BMPER: variants seen among roughly 807,000 people sequenced by gnomAD.
The protein encoded by BMPER is BMP-binding endothelial regulator protein.
Under a neutral mutation model 87.3 loss-of-function variants are expected in BMPER, and 45 were observed. The observed-to-expected ratio is 0.52, with a 90% CI of 0.41 to 0.66. BMPER has a LOEUF of 0.66. BMPER is among the 30% of genes least tolerant of loss of function. The pLI, the probability that BMPER is intolerant of heterozygous loss-of-function variation, is 0.00. For synonymous variants in BMPER, 326 were observed against 316.2 expected, an observed-to-expected ratio of 1.03 and a Z score of -0.33; for missense variants, 784 against 867.5, an observed-to-expected ratio of 0.90 and a Z score of 1.21.
chr7:34,090,021 A>G (rs983837015), intron 13 of BMPER, among the ~76,000 whole-genome samples: 1 of 152,216 alleles, frequency 6.6e-6, no homozygotes, highest in Non-Finnish European at 1.5e-5. Flanking sequence ...TTGATATATA[A>G]TTAAGTTCTT....
chr7:33,959,045 C>CTCT (rs1785210940), intron 3 of BMPER, among the ~76,000 whole-genome samples: 2 of 152,128 alleles, frequency 1.3e-5, no homozygotes, highest in South Asian at 4.2e-4. Context: ...AGTCCTTTTG[C>CTCT]TCTTCCTTCA....
intron 6 of BMPER, among the ~76,000 whole-genome samples, chr7:34,008,881 G>A (rs752415740): frequency 1.3e-5 from 2 of 151,630 alleles, no homozygotes; most frequent in African/African-American, 4.8e-5. Flanking sequence ...TCACTCTGTT[G>A]CTGAGGCTGC....
intron 13 of BMPER, among the ~76,000 whole-genome samples, chr7:34,137,429 G>T (rs558943423): frequency 1.3e-5 from 2 of 152,232 alleles, no homozygotes; most frequent in Non-Finnish European, 2.9e-5. Context: ...AGGTCATGAG[G>T]TTACTCTCTT....
intron 6 of BMPER, among the ~76,000 whole-genome samples, chr7:33,988,704 C>T (rs1218095954): frequency 2.4e-4 from 37 of 151,274 alleles, no homozygotes; most frequent in Non-Finnish European, 7.4e-5. Context: ...CATGCTGGTG[C>T]GCTGTACCCA....
At chr7:34,041,272 T>G (rs916990347) in intron 6 of BMPER, among the ~76,000 whole-genome samples, 1 of 152,146 alleles carries the variant, frequency 6.6e-6, no homozygotes, top group Admixed American at 6.6e-5. Context: ...CAGGGTCTTC[T>G]GGAGACTTAC....
rs771892700 is a variant in BMPER, at chr7:33,905,617, C to G, written c.4C>G (p.Leu2Val). Residue 2 changes from leucine (L) to valine (V), a missense_variant, in exon 1 of 15, where the codon CTC becomes GTC. Physicochemically the swap from Leu to Val is conservative, Grantham distance 32. Coordinates refer to ENST00000649409, the MANE Select transcript of BMPER (RefSeq NM_001365308.1). M[L>V]WFSGVGALAE... ...CAGGGATTCCCTCCAGGTGACGATG[C>G]TCTGGTTCTCCGGCGTCGGGGCTCT... 6.2e-7 allele frequency: 1 copy of G among 1,612,522 alleles called. No homozygotes were observed. The highest frequency in any genetic ancestry group is 1.1e-5 in the South Asian group (1 of 91,040).
chr7:34,122,472 T>C (rs1790287382), intron 13 of BMPER, among the ~76,000 whole-genome samples: 1 of 152,228 alleles, frequency 6.6e-6, no homozygotes, highest in African/African-American at 2.4e-5. Context: ...AGGTCATGGC[T>C]GGATTTTGAA....
chr7:34,055,531 T>G (rs1788261783), intron 9 of BMPER, among the ~76,000 whole-genome samples: 3 of 152,230 alleles, frequency 2.0e-5, no homozygotes, highest in African/African-American at 7.2e-5. Flanking sequence ...AAGATGTTTT[T>G]CTTGACTATA....
At chr7:33,938,981 C>T (rs758306663) in intron 3 of BMPER, among the ~76,000 whole-genome samples, 1 of 151,994 alleles carries the variant, frequency 6.6e-6, no homozygotes, top group Non-Finnish European at 1.5e-5. Context: ...GCCAAGATTG[C>T]GCCACTGCAC....
intron 6 of BMPER, among the ~76,000 whole-genome samples, chr7:33,981,188 C>T (rs180979793): frequency 6.6e-6 from 1 of 152,298 alleles, no homozygotes; most frequent in Admixed American, 6.5e-5. Flanking sequence ...CCTGTGAGCT[C>T]ATTAGAAATG....
In BMPER at chr7:34,041,992, C is replaced by G. The variant is rs77719345; in HGVS notation, c.577-4314C>G. On this transcript the variant is annotated intron_variant, in intron 6 of 14. Coordinates refer to ENST00000649409, the MANE Select transcript of BMPER (RefSeq NM_001365308.1). ...GGTGGTTTTCAGCCCCCAAGTCTCACTGGGCACTCAGCTGTTGGAGAAGCA... is the reference window on the plus strand; with the variant it reads ...GGTGGTTTTCAGCCCCCAAGTCTCAGTGGGCACTCAGCTGTTGGAGAAGCA... 3.7e-4 allele frequency among the ~76,000 whole-genome samples: 56 copies of G among 152,274 alleles called. No individual in the cohort carries two copies. In the East Asian group the frequency reaches 0.01, roughly 28 times the overall value.
chr7:33,956,141 G>T (rs569725391), intron 3 of BMPER, among the ~76,000 whole-genome samples: 2 of 152,110 alleles, frequency 1.3e-5, no homozygotes, highest in Non-Finnish European at 2.9e-5. Context: ...CGTAGAAAAC[G>T]TATGTAGGAG....
intron 6 of BMPER, among the ~76,000 whole-genome samples, chr7:33,997,429 C>T (rs1372662904): frequency 6.6e-6 from 1 of 152,080 alleles, no homozygotes; most frequent in Non-Finnish European, 1.5e-5. Flanking sequence ...CCATGATATT[C>T]TCGTGATAGT....
rs1583487956 is a variant in BMPER, at chr7:34,153,366, T to C, written c.*93T>C. 7.8e-7 allele frequency: 1 copy of C among 1,286,846 alleles called. No homozygotes were observed. Among genetic ancestry groups the C allele is most frequent in the Non-Finnish European group, 1.1e-6 (1 of 887,504 alleles). 79.7% of individuals were successfully genotyped at this position (1,286,846 alleles called of 1,614,324 possible). The stretch of plus-strand genomic sequence containing the variant: ...GGACTGCAGTATTTGTGTGCCCGAT[T>C]CTGTAAACACACACACACAGAGTAT... On this transcript the variant is annotated 3_prime_UTR_variant, in exon 15 of 15. Coordinates refer to ENST00000649409, the MANE Select transcript of BMPER (RefSeq NM_001365308.1).
chr7:34,069,726 C>T (rs1027358406), intron 11 of BMPER, among the ~76,000 whole-genome samples: 9 of 152,148 alleles, frequency 5.9e-5, no homozygotes, highest in Admixed American at 5.2e-4. Context: ...TACTTACAAG[C>T]AGTTGTATTT....
At chr7:34,000,735 A>C (rs192017322) in intron 6 of BMPER, among the ~76,000 whole-genome samples, 9 of 152,264 alleles carry the variant, frequency 5.9e-5, no homozygotes, top group Non-Finnish European at 1.2e-4. Flanking sequence ...TAGTGAAAAA[A>C]TAGAAAGTTG....
chr7:33,994,281 GC>G (rs753835352), intron 6 of BMPER, among the ~76,000 whole-genome samples: 12 of 152,240 alleles, frequency 7.9e-5, no homozygotes, highest in Non-Finnish European at 1.6e-4. Flanking sequence ...GACTCCGTGG[GC>G]GTAGGACCCT....
intron 13 of BMPER, among the ~76,000 whole-genome samples, chr7:34,115,938 CG>C (rs1378848002): frequency 6.6e-6 from 1 of 152,122 alleles, no homozygotes; most frequent in Non-Finnish European, 1.5e-5. Context: ...TGCTCTTTTG[CG>C]TTCTGAGCGT....
At chr7:33,915,325 AACT>A (rs1436011861) in intron 2 of BMPER, among the ~76,000 whole-genome samples, 4 of 152,224 alleles carry the variant, frequency 2.6e-5, no homozygotes, top group African/African-American at 4.8e-5. Flanking sequence ...CTAATATAAA[AACT>A]TACTATTGTA....
Sources: gnomAD v4.1 joint callset for allele counts (sites outside exome capture counted in the v4.1 genomes callset) on GRCh38, gnomAD v4.1.1 for gene constraint, MANE v1.5 for transcripts, NCBI Gene and HGNC (gene_info 2026-07-23, HGNC 2026-07-21) for gene names.